Variants in PRKCE observed in about 807,000 individuals in gnomAD.
PRKCE encodes the protein protein kinase C epsilon.
Under a neutral mutation model 85.4 loss-of-function variants are expected in PRKCE, and 16 were observed. The observed-to-expected ratio is 0.19, with a 90% CI of 0.13 to 0.28. The LOEUF is 0.28. PRKCE is among the 10% of genes least tolerant of loss of function. The probability of loss-of-function intolerance (pLI) is 1.00; values close to 1 mark genes in which losing one functional copy is unlikely to be tolerated. For missense variants in PRKCE, 573 were observed against 975.2 expected (o/e 0.59, Z 5.49); for synonymous variants, 388 against 371.5 (o/e 1.04, Z -0.51).
chr2:46,160,762 G>A (rs1204616730), intron 14 of PRKCE, among the ~76,000 whole-genome samples: 1 of 152,168 alleles, frequency 6.6e-6, no homozygotes, highest in Non-Finnish European at 1.5e-5. Flanking sequence ...TGTGCCTTGT[G>A]AACCATCAGA....
At chr2:45,941,065 T>TAAAAAAAAAAAAAAA (rs397781944) in intron 2 of PRKCE, among the ~76,000 whole-genome samples, 20 of 67,162 alleles carry the variant, frequency 3.0e-4, no homozygotes, top group South Asian at 7.4e-4. Flanking sequence ...GACTTCATCC[T>TAAAAAAAAAAAAAAA]AAAAAAAAAA....
intron 1 of PRKCE, among the ~76,000 whole-genome samples, chr2:45,816,759 G>A (rs1167622659): frequency 2.6e-5 from 4 of 152,168 alleles, no homozygotes; most frequent in Admixed American, 6.5e-5. Flanking sequence ...CCCCTTCCCA[G>A]CCTTCTCACT....
chr2:45,713,967 C>T (rs1679876267), intron 1 of PRKCE, among the ~76,000 whole-genome samples: 1 of 152,184 alleles, frequency 6.6e-6, no homozygotes, highest in Non-Finnish European at 1.5e-5. Context: ...CCCCACACCT[C>T]CAAAAGGGAA....
chr2:45,657,494 C>T (rs1675432984), intron 1 of PRKCE, among the ~76,000 whole-genome samples: 1 of 152,120 alleles, frequency 6.6e-6, no homozygotes, highest in African/African-American at 2.4e-5. Context: ...CTAGTAACTG[C>T]TCAATGCATA....
intron 1 of PRKCE, among the ~76,000 whole-genome samples, chr2:45,710,213 AT>A (rs1462837267): frequency 6.6e-6 from 1 of 152,230 alleles, no homozygotes; most frequent in African/African-American, 2.4e-5. Flanking sequence ...TGTAGGTACT[AT>A]CACTATCCTC....
intron 1 of PRKCE, among the ~76,000 whole-genome samples, chr2:45,687,235 C>T (rs1677367400): frequency 6.6e-6 from 1 of 151,940 alleles, no homozygotes; most frequent in Non-Finnish European, 1.5e-5. Context: ...GACTAATATC[C>T]TTAATTTATA....
chr2:45,659,643 C>A (rs371514604), intron 1 of PRKCE, among the ~76,000 whole-genome samples: 8 of 152,318 alleles, frequency 5.3e-5, no homozygotes, highest in African/African-American at 1.9e-4. Flanking sequence ...CCACTTGACA[C>A]CCCTTAAATG....
intron 11 of PRKCE, among the ~76,000 whole-genome samples, chr2:46,140,776 G>A (rs918523556): frequency 2.6e-5 from 4 of 152,096 alleles, no homozygotes; most frequent in African/African-American, 9.7e-5. Context: ...TTATCTTCCT[G>A]TATGCCCTTT....
Position 46,187,043 on chromosome 2 carries a change from A to C in PRKCE, c.*2162A>C, listed in dbSNP as rs1680496737. On this transcript the variant is annotated 3_prime_UTR_variant, in exon 15 of 15. Transcript: ENST00000306156. Reference sequence around the variant, plus strand: ...TTCTGGAGTTGAGTACAAGCACAGAAACATCTTTACGGTGGCATCATCTCA... The same window carrying C: ...TTCTGGAGTTGAGTACAAGCACAGACACATCTTTACGGTGGCATCATCTCA... The C allele has an allele frequency of 6.6e-6, 1 of 152,392 alleles. No homozygotes were observed. The highest frequency in any genetic ancestry group is 2.1e-4 in the South Asian group (1 of 4,820). The allele number at this position is 152,392 out of a possible 1,614,324, so 9.4% of individuals were successfully genotyped here.
chr2:45,944,740 G>A (rs980073836), intron 2 of PRKCE, among the ~76,000 whole-genome samples: 9 of 136,914 alleles, frequency 6.6e-5, no homozygotes, highest in South Asian at 4.8e-4. Context: ...GGGCTCAAGC[G>A]ATCCATCCAC....
chr2:45,735,507 C>T (rs1681981029), intron 1 of PRKCE, among the ~76,000 whole-genome samples: 1 of 152,210 alleles, frequency 6.6e-6, no homozygotes, highest in Non-Finnish European at 1.5e-5. Flanking sequence ...GCTCCATCAC[C>T]TGTAAAATGG....
chr2:45,813,700 G>A (rs1688816198), intron 1 of PRKCE, among the ~76,000 whole-genome samples: 1 of 152,172 alleles, frequency 6.6e-6, no homozygotes, highest in South Asian at 2.1e-4. Flanking sequence ...AGGCAGTACA[G>A]CAAGAAAAAA....
Position 46,151,024 on chromosome 2 carries a change from G to A in PRKCE, c.1732-17G>A. On this transcript the variant is annotated splice_polypyrimidine_tract_variant and intron_variant, in intron 12 of 14. Transcript: ENST00000306156. Reference sequence around the variant, plus strand: ...GGAGCCTTTGATGGTGCCTGACATTGCTGGTTTCCTGAACAGATCCTGCAG... The same window carrying A: ...GGAGCCTTTGATGGTGCCTGACATTACTGGTTTCCTGAACAGATCCTGCAG... 1 of 1,586,126 alleles carries A rather than the reference G, an allele frequency of 6.3e-7. No individual in the cohort carries two copies. Among genetic ancestry groups the A allele is most frequent in the Non-Finnish European group, 8.5e-7 (1 of 1,169,724 alleles).
chr2:46,062,856 T>C (rs1231760529), intron 10 of PRKCE, among the ~76,000 whole-genome samples: 3 of 152,088 alleles, frequency 2.0e-5, no homozygotes, highest in African/African-American at 7.2e-5. Context: ...CTCAAACTCC[T>C]GGGCTCAAGT....
chr2:46,116,745 G>A (rs970018069), intron 11 of PRKCE, among the ~76,000 whole-genome samples: 9 of 67,652 alleles, frequency 1.3e-4, no homozygotes, highest in Admixed American at 1.9e-4. Context: ...ATGCCTGTTC[G>A]GAGAAAAAAA....
intron 10 of PRKCE, among the ~76,000 whole-genome samples, chr2:46,016,346 A>T (rs1706144433): frequency 6.7e-6 from 1 of 150,350 alleles, no homozygotes; most frequent in East Asian, 2.0e-4. Flanking sequence ...TGTGTAGATG[A>T]GCTGGCGGTT....
intron 2 of PRKCE, among the ~76,000 whole-genome samples, chr2:45,887,300 G>A (rs571442914): frequency 6.6e-6 from 1 of 152,296 alleles, no homozygotes; most frequent in East Asian, 1.9e-4. Context: ...ATCTGTGTCT[G>A]AAATTCCACA....
chr2:45,916,147 T>C (rs1697754491), intron 2 of PRKCE, among the ~76,000 whole-genome samples: 1 of 151,608 alleles, frequency 6.6e-6, no homozygotes, highest in African/African-American at 2.4e-5. Context: ...TTTCTATCTC[T>C]ACTTACTTTT....
chr2:46,098,946 G>C (rs1357600470), intron 11 of PRKCE, among the ~76,000 whole-genome samples: 2 of 152,064 alleles, frequency 1.3e-5, no homozygotes, highest in Non-Finnish European at 2.9e-5. Context: ...GAGGAGAGTG[G>C]TAGGGGGTAC....
Sources: allele counts gnomAD v4.1 joint callset (sites outside exome capture counted in the v4.1 genomes callset), GRCh38; gene constraint gnomAD v4.1.1; transcripts MANE v1.5; gene names NCBI Gene and HGNC (gene_info 2026-07-23, HGNC 2026-07-21).